The following HIPK2 variants were observed in gnomAD, a reference collection of about 807,000 sequenced individuals.
HIPK2 encodes homeodomain-interacting protein kinase 2.
In HIPK2, 27 loss-of-function variants were observed where a neutral mutation model predicts 113.7. That is an observed-to-expected ratio of 0.24 (90% CI 0.17 to 0.33). The LOEUF (loss-of-function observed/expected upper bound fraction) is 0.33. Ranked by LOEUF, HIPK2 falls within the 10% of genes least tolerant of loss-of-function variation. The pLI is 1.00. For synonymous variants in HIPK2, 631 were observed against 642.2 expected (o/e 0.98, Z 0.26); for missense variants, 1,257 against 1,588.0 (o/e 0.79, Z 3.54).
chr7:139,718,977 G>A (rs1203353018), intron 1 of HIPK2, among the ~76,000 whole-genome samples: 1 of 152,040 alleles, frequency 6.6e-6, no homozygotes, highest in Non-Finnish European at 1.5e-5. Context: ...TAATCCAATG[G>A]CCTTGTTTCA....
intron 5 of HIPK2, 36 bp from the exon 6 acceptor site, chr7:139,626,821 C>G (rs747035055): frequency 6.2e-7 from 1 of 1,609,850 alleles, no homozygotes; most frequent in Non-Finnish European, 8.5e-7. Flanking sequence ...CAAGGAAGAC[C>G]CCAGCGTGCC....
chr7:139,620,659 G>T, intron 6 of HIPK2, 96 bp from the exon 7 acceptor site: 2 of 1,442,076 alleles, frequency 1.4e-6, no homozygotes, highest in Admixed American at 4.0e-5. Flanking sequence ...AGGAGAGAAG[G>T]GTTAATTCAG....
rs112427789 is a variant in HIPK2, at chr7:139,729,271, G to C, written c.20-12256C>G. On this transcript the variant is annotated intron_variant, in intron 1 of 14. Transcript: ENST00000406875. ...AGCTGGGAGGTAGAGGTTGCAGCAAGCTGTGATTGCAACACTGCATTCCAG... is the reference window on the plus strand; with the variant it reads ...AGCTGGGAGGTAGAGGTTGCAGCAACCTGTGATTGCAACACTGCATTCCAG... 3.3e-3 allele frequency among the ~76,000 whole-genome samples: 487 copies of C among 148,452 alleles called. 6 individuals carry two copies. The highest frequency in any genetic ancestry group is 0.011 in the African/African-American group (459 of 40,702).
Position 139,656,552 on chromosome 7 carries a change from C to T in HIPK2, c.1104-24827G>A, listed in dbSNP as rs184866404. Among the ~76,000 whole-genome samples the T allele has an allele frequency of 1.3e-3, 200 of 152,296 alleles. 4 individuals are homozygous for T. The East Asian group carries it at 0.03, about 23-fold the overall frequency. ...TTTCTCTGCCTCTAATCTTTCCCTC[C>T]GTCCAATCCAATTTACAGCCTGCTG... On this transcript the variant is annotated intron_variant, in intron 2 of 14. Coordinates refer to ENST00000406875, the MANE Select transcript of HIPK2 (RefSeq NM_022740.5).
intron 7 of HIPK2, among the ~76,000 whole-genome samples, chr7:139,619,266 C>T (rs1800157277): frequency 1.3e-5 from 2 of 152,272 alleles, no homozygotes; most frequent in Admixed American, 1.3e-4. Flanking sequence ...ATAAGGTATT[C>T]ACATTTCAGG....
chr7:139,687,328 G>T (rs1794255608), intron 2 of HIPK2, among the ~76,000 whole-genome samples: 1 of 152,100 alleles, frequency 6.6e-6, no homozygotes, highest in South Asian at 2.1e-4. Flanking sequence ...ACAAATGATT[G>T]CACACAAAGA....
At chr7:139,638,644 G>A (rs559206891) in intron 2 of HIPK2, among the ~76,000 whole-genome samples, 2 of 148,972 alleles carry the variant, frequency 1.3e-5, no homozygotes, top group East Asian at 3.9e-4. Context: ...GAGAAAGAGA[G>A]TAAATAATTG....
At chr7:139,637,459 C>T (rs892343075) in intron 2 of HIPK2, among the ~76,000 whole-genome samples, 8 of 152,204 alleles carry the variant, frequency 5.3e-5, no homozygotes, top group African/African-American at 1.9e-4. Context: ...CCAGAGTCTT[C>T]GTGGGATGCT....
At chr7:139,730,066 C>G (rs1019777983) in intron 1 of HIPK2, among the ~76,000 whole-genome samples, 1 of 152,190 alleles carries the variant, frequency 6.6e-6, no homozygotes, top group South Asian at 2.1e-4. Flanking sequence ...CTTTTCCTAT[C>G]CTTTAGAAAT....
Position 139,628,558 on chromosome 7 carries a change from C to T in HIPK2, c.1434+395G>A, listed in dbSNP as rs182887562. 9.0e-4 allele frequency among the ~76,000 whole-genome samples: 137 copies of T among 152,166 alleles called. 1 individual carries two copies. The East Asian group carries it at 9.9e-3, about 11-fold the overall frequency. ...AAGTGATTCTCCTGCCTCAGCCTCC[C>T]GAGTAGCTGAGATTACAGGTGCTCA... On this transcript the variant is annotated intron_variant, in intron 5 of 14. Transcript: ENST00000406875.
intron 2 of HIPK2, among the ~76,000 whole-genome samples, chr7:139,636,782 A>G (rs754568753): frequency 1.3e-5 from 2 of 152,180 alleles, no homozygotes; most frequent in Non-Finnish European, 2.9e-5. Flanking sequence ...ACTGACAGTC[A>G]TCTTACTCGC....
intron 2 of HIPK2, among the ~76,000 whole-genome samples, chr7:139,667,198 T>C (rs557280761): frequency 3.9e-5 from 6 of 152,338 alleles, no homozygotes; most frequent in African/African-American, 1.4e-4. Context: ...TGATAGCCTA[T>C]AGTTACCCTT....
chr7:139,716,416 G>T lies in HIPK2; in HGVS notation c.619C>A (p.Arg207=). Residue 207 remains arginine, a synonymous_variant, in exon 2 of 15, where the codon CGA becomes AGA. Transcript: ENST00000406875. This position sits in a 1 kb window ranked among gnomAD's most constrained non-coding sequence, Gnocchi z 9.3. ...NTYEVLEFLG[R]GTFGQVVKCW... ...TTGACCACTTGCCCAAACGTCCCTC[G>T]GCCCAAGAACTCTAAGACCTCGTAG... 1.9e-6 allele frequency: 3 copies of T among 1,613,906 alleles called. No homozygotes were observed. Among genetic ancestry groups the T allele is most frequent in the South Asian group, 1.1e-5 (1 of 91,078 alleles).
intron 1 of HIPK2, among the ~76,000 whole-genome samples, chr7:139,776,853 T>C (rs921302785): frequency 2.0e-5 from 3 of 152,198 alleles, no homozygotes; most frequent in Non-Finnish European, 4.4e-5. Context: ...GCAGACCTAC[T>C]GCTTTTCTGC....
Position 139,653,139 on chromosome 7 carries a change from C to CA in HIPK2, c.1104-21415dup, listed in dbSNP as rs533809782. Among the ~76,000 whole-genome samples, 403 of 75,290 alleles carry CA rather than the reference C, an allele frequency of 5.4e-3. 1 individual carries two copies. Among genetic ancestry groups the CA allele is most frequent in the East Asian group, 9.1e-3 (24 of 2,646 alleles). The allele number at this position is 75,290 out of a possible 152,430, so 49.4% of individuals were successfully genotyped here. On this transcript the variant is annotated intron_variant, in intron 2 of 14. Coordinates refer to ENST00000406875, the MANE Select transcript of HIPK2 (RefSeq NM_022740.5). ...TGGGTGACAGAGCAAGACTCTGTCTCAAAAAAAAAAAAAAAAAAAAAAACT... is the reference window on the plus strand; with the variant it reads ...TGGGTGACAGAGCAAGACTCTGTCTCAAAAAAAAAAAAAAAAAAAAAAAACT...
chr7:139,743,906 G>A (rs1435018153), intron 1 of HIPK2, among the ~76,000 whole-genome samples: 1 of 152,178 alleles, frequency 6.6e-6, no homozygotes, highest in East Asian at 1.9e-4. Flanking sequence ...AACATCCAGA[G>A]TATATAAAGA....
chr7:139,764,657 T>C (rs745924016), intron 1 of HIPK2, among the ~76,000 whole-genome samples: 2 of 152,096 alleles, frequency 1.3e-5, no homozygotes, highest in Non-Finnish European at 2.9e-5. Context: ...AAAAGAAGTC[T>C]AGGTAAAGAT....
At chr7:139,614,973 C>G (rs1799983857) in intron 7 of HIPK2, among the ~76,000 whole-genome samples, 1 of 152,216 alleles carries the variant, frequency 6.6e-6, no homozygotes. Flanking sequence ...CTCCTTCTCT[C>G]TGCCCAAGCC....
intron 2 of HIPK2, among the ~76,000 whole-genome samples, chr7:139,676,149 C>T (rs560206611): frequency 6.6e-6 from 1 of 152,302 alleles, no homozygotes; most frequent in East Asian, 1.9e-4. Context: ...TAAGTCTTTT[C>T]GGCTTACCAG....
Sources: gnomAD v4.1 joint callset for allele counts (sites outside exome capture counted in the v4.1 genomes callset) on GRCh38, gnomAD v4.1.1 for gene constraint, Gnocchi (gnomAD v3.1) non-coding constraint, MANE v1.5 for transcripts, NCBI Gene and HGNC (gene_info 2026-07-23, HGNC 2026-07-21) for gene names.